Variants in MFHAS1 observed in about 807,000 individuals in gnomAD.
MFHAS1 encodes the protein malignant fibrous histiocytoma-amplified sequence 1.
Under a neutral mutation model 70.4 loss-of-function variants are expected in MFHAS1, and 50 were observed. The ratio of observed to expected loss-of-function variants is 0.71; its 90% confidence interval spans 0.57 to 0.90. The LOEUF (loss-of-function observed/expected upper bound fraction) is 0.90, where lower values mean the gene tolerates loss of function less well. Among genes scored for constraint, MFHAS1 ranks in the 40% least tolerant of loss-of-function variants. The pLI is 0.00. For missense variants in MFHAS1, 1,795 were observed against 1,347.6 expected (o/e 1.33, Z -5.20); for synonymous variants, 952 against 620.0 (o/e 1.54, Z -7.96).
At chr8:8,862,968 G>A (rs1808723118) in intron 1 of MFHAS1, among the ~76,000 whole-genome samples, 2 of 152,158 alleles carry the variant, frequency 1.3e-5, no homozygotes, top group Admixed American at 1.3e-4. Flanking sequence ...TGGTAAGACT[G>A]TATATTTTTA....
At chr8:8,809,542 G>A (rs543739988) in intron 1 of MFHAS1, among the ~76,000 whole-genome samples, 4 of 152,144 alleles carry the variant, frequency 2.6e-5, no homozygotes, top group Admixed American at 6.5e-5. Context: ...GTCCCACCAC[G>A]CCTCCCTGCA....
At chr8:8,867,773 T>A (rs544098994) in intron 1 of MFHAS1, among the ~76,000 whole-genome samples, 1 of 152,050 alleles carries the variant, frequency 6.6e-6, no homozygotes, top group Admixed American at 6.6e-5. Context: ...TAGGCAGGAT[T>A]GTCTCGATCT....
intron 2 of MFHAS1, among the ~76,000 whole-genome samples, chr8:8,788,218 T>C (rs1385805467): frequency 1.3e-5 from 2 of 152,240 alleles, no homozygotes; most frequent in African/African-American, 2.4e-5. Context: ...GAGGGCAGGA[T>C]TTGATTTAGT....
chr8:8,816,104 C>T (rs891856309), intron 1 of MFHAS1, among the ~76,000 whole-genome samples: 2 of 152,088 alleles, frequency 1.3e-5, no homozygotes, highest in Non-Finnish European at 2.9e-5. Context: ...CTAGACAATG[C>T]AAGCTAAGCT....
intron 1 of MFHAS1, among the ~76,000 whole-genome samples, chr8:8,882,219 T>TAA (rs568478411): frequency 6.7e-6 from 1 of 150,372 alleles, no homozygotes; most frequent in Non-Finnish European, 1.5e-5. Flanking sequence ...CCATCTCTAC[T>TAA]AAAAAAAAAC....
chr8:8,848,588 C>G (rs996054974), intron 1 of MFHAS1, among the ~76,000 whole-genome samples: 9 of 151,292 alleles, frequency 5.9e-5, no homozygotes, highest in African/African-American at 2.2e-4. Context: ...AAGACAAGCC[C>G]TTTTACTACT....
At chr8:8,851,720 T>TA (rs1356394709) in intron 1 of MFHAS1, among the ~76,000 whole-genome samples, 2 of 152,222 alleles carry the variant, frequency 1.3e-5, no homozygotes, top group Admixed American at 6.5e-5. Context: ...AGTAACACTT[T>TA]AACTAAAGAA....
At position 8,892,931 on chromosome 8, in the gene MFHAS1, G is replaced by A; in HGVS notation, c.128C>T (p.Ala43Val). 1.3e-6 allele frequency: 2 copies of A among 1,550,096 alleles called. No individual in the cohort carries two copies. The highest frequency in any genetic ancestry group is 1.7e-6 in the Non-Finnish European group (2 of 1,151,342). Residue 43 changes from alanine to valine, a missense_variant, in exon 1 of 3, where the codon GCC becomes GTC. Coordinates refer to ENST00000276282, the MANE Select transcript of MFHAS1 (RefSeq NM_004225.3). The surrounding 1 kb of genome is among the most constrained non-coding windows in gnomAD (Gnocchi z 4.7). ...TLTAAGACPG[A>V]GADALESPAS... ...GGGGGACTCGAGCGCGTCGGCCCCG[G>A]CCCCGGGGCAGGCCCCGGCGGCGGT...
Position 8,797,402 on chromosome 8 carries a change from A to G in MFHAS1, c.3088T>C (p.Tyr1030His). ...GSERVNVALV[Y>H]PPTPTVISPC... ...CTGATCACAGTCGGCGTGGGTGGGT[A>G]AACCAAGGCAACATTTACTCGCTCG... The change falls in exon 2 of 3, where the codon TAC (tyrosine) becomes CAC (histidine). Residue 1030 changes from tyrosine to histidine, a missense_variant. Physicochemically the swap from Tyr to His is moderately conservative, Grantham distance 83. Transcript: ENST00000276282. The G allele has an allele frequency of 2.5e-6, 4 of 1,614,104 alleles. No individual in the cohort carries two copies. Among genetic ancestry groups the G allele is most frequent in the Non-Finnish European group, 3.4e-6 (4 of 1,180,004 alleles).
Position 8,892,655 on chromosome 8 carries a change from C to A in MFHAS1, c.404G>T (p.Arg135Met). The A allele has an allele frequency of 6.3e-7, 1 of 1,591,340 alleles. No homozygotes were observed. Among genetic ancestry groups the A allele is most frequent in the Non-Finnish European group, 8.6e-7 (1 of 1,169,560 alleles). ...ALGAEVVSAL[R>M]ELRKLNLSHN... ...GCTGAGGTTGAGCTTCCGCAGCTCC[C>A]TCAGAGCACTCACCACCTCCGCGCC... Residue 135 changes from arginine to methionine, a missense_variant, in exon 1 of 3, where the codon AGG (arginine) becomes ATG (methionine). By Grantham distance (91) the Arg-to-Met change is moderately conservative. Coordinates refer to ENST00000276282, the MANE Select transcript of MFHAS1 (RefSeq NM_004225.3). The surrounding 1 kb of genome is among the most constrained non-coding windows in gnomAD (Gnocchi z 4.7).
At chr8:8,884,124 C>A (rs745742533) in intron 1 of MFHAS1, among the ~76,000 whole-genome samples, 9 of 151,040 alleles carry the variant, frequency 6.0e-5, no homozygotes, top group Non-Finnish European at 1.2e-4. Flanking sequence ...TTAGGAAATT[C>A]TAAACTACTT....
chr8:8,811,312 AT>A (rs72584154), intron 1 of MFHAS1, among the ~76,000 whole-genome samples: 5,094 of 147,902 alleles, frequency 0.034, 143 homozygotes, highest in South Asian at 0.12. Flanking sequence ...CAGAATAAAA[AT>A]TTTTTTTTTT....
At chr8:8,859,144 G>A (rs558139139) in intron 1 of MFHAS1, among the ~76,000 whole-genome samples, 17 of 152,330 alleles carry the variant, frequency 1.1e-4, no homozygotes, top group African/African-American at 4.1e-4. Flanking sequence ...CTTGAGGTCA[G>A]GAGTTCGAGA....
At chr8:8,838,839 T>C (rs1192961409) in intron 1 of MFHAS1, among the ~76,000 whole-genome samples, 2 of 151,696 alleles carry the variant, frequency 1.3e-5, no homozygotes, top group East Asian at 3.9e-4. Flanking sequence ...CCACGTACCT[T>C]CAAGCTTCTC....
chr8:8,789,286 C>T (rs936051286), intron 2 of MFHAS1, among the ~76,000 whole-genome samples: 11 of 152,198 alleles, frequency 7.2e-5, no homozygotes, highest in African/African-American at 2.2e-4. Context: ...ATGAGGCTTA[C>T]GGACTCCTAG....
Position 8,808,335 on chromosome 8 carries a change from G to A in MFHAS1, c.2999-10844C>T, listed in dbSNP as rs113048679. ...TCCCCTGGGAACCCTCCTCTGCCCA[G>A]TGTCCCCACGCTGTAAACGCTCCCC... On this transcript the variant is annotated intron_variant, in intron 1 of 2. Coordinates refer to ENST00000276282, the MANE Select transcript of MFHAS1 (RefSeq NM_004225.3). Among the ~76,000 whole-genome samples the A allele has an allele frequency of 1.8e-3, 273 of 152,064 alleles. 2 individuals are homozygous for A. The highest frequency in any genetic ancestry group is 6.2e-3 in the African/African-American group (258 of 41,464).
At chr8:8,847,293 T>G (rs903588562) in intron 1 of MFHAS1, among the ~76,000 whole-genome samples, 3 of 152,238 alleles carry the variant, frequency 2.0e-5, no homozygotes, top group African/African-American at 7.2e-5. Flanking sequence ...GTGATTCTCC[T>G]GCCTCAGTCT....
intron 1 of MFHAS1, among the ~76,000 whole-genome samples, chr8:8,849,430 G>A (rs1392382310): frequency 6.6e-6 from 1 of 152,218 alleles, no homozygotes; most frequent in African/African-American, 2.4e-5. Flanking sequence ...CTTGCAGCAA[G>A]TAATTTCAGT....
intron 1 of MFHAS1, among the ~76,000 whole-genome samples, chr8:8,818,027 C>A (rs1163897265): frequency 2.0e-5 from 3 of 152,162 alleles, no homozygotes; most frequent in Non-Finnish European, 4.4e-5. Flanking sequence ...CATACATTCT[C>A]ACCTATGCAT....
Sources: gnomAD v4.1 joint callset for allele counts (sites outside exome capture counted in the v4.1 genomes callset) on GRCh38, gnomAD v4.1.1 for gene constraint, Gnocchi (gnomAD v3.1) non-coding constraint, MANE v1.5 for transcripts, NCBI Gene and HGNC (gene_info 2026-07-23, HGNC 2026-07-21) for gene names.